TASP1: variants seen among roughly 807,000 people sequenced by gnomAD.
The protein encoded by TASP1 is taspase 1.
Under a neutral mutation model 56.6 loss-of-function variants are expected in TASP1, and 16 were observed. The observed-to-expected ratio is 0.28, with a 90% CI of 0.19 to 0.43. TASP1 has a LOEUF of 0.43. TASP1 is among the 20% of genes least tolerant of loss of function. The pLI is 1.00. For missense variants in TASP1, 393 were observed against 511.6 expected (o/e 0.77, Z 2.24); for synonymous variants, 179 against 184.2 (o/e 0.97, Z 0.23).
the TASP1 span, among the ~76,000 whole-genome samples, chr20:13,363,212 A>C: frequency 6.6e-6 from 1 of 152,134 alleles, no homozygotes; most frequent in Non-Finnish European, 1.5e-5. Context: ...AATCTTGATT[A>C]CAAGCTTGGA....
intron 10 of TASP1, among the ~76,000 whole-genome samples, chr20:13,509,124 A>AGTGTGTGTGTGTGTGTGTGTGT: frequency 7.0e-6 from 1 of 142,778 alleles, no homozygotes; most frequent in East Asian, 2.1e-4. Context: ...GAATGAAGAA[A>AGTGTGTGTGTGTGTGTGTGTGT]GTGTGTGTGT....
chr20:13,558,162 A>C (rs890727805), intron 8 of TASP1, among the ~76,000 whole-genome samples: 6 of 152,200 alleles, frequency 3.9e-5, no homozygotes, highest in Admixed American at 1.3e-4. Flanking sequence ...AAAGGACAAA[A>C]CAGTATCTAA....
At chr20:13,605,353 C>CA (rs1342967578) in intron 4 of TASP1, among the ~76,000 whole-genome samples, 1 of 152,026 alleles carries the variant, frequency 6.6e-6, no homozygotes, top group Non-Finnish European at 1.5e-5. Context: ...ATAAAGCTGA[C>CA]AAAAAAGTAG....
the TASP1 span, chr20:13,221,714 C>G: frequency 8.3e-6 from 11 of 1,317,430 alleles, no homozygotes; most frequent in African/African-American, 6.2e-5. Context: ...TCCTCCTCCC[C>G]CGGCGTCACC....
chr20:13,347,860 G>T, the TASP1 span, among the ~76,000 whole-genome samples: 901 of 106,972 alleles, frequency 8.4e-3, 7 homozygotes, highest in African/African-American at 0.043. Flanking sequence ...AAAAAAAATG[G>T]ATAATTTTTA....
At chr20:13,225,036 G>A in the TASP1 span, among the ~76,000 whole-genome samples, 2 of 145,882 alleles carry the variant, frequency 1.4e-5, no homozygotes, top group Admixed American at 6.8e-5. Context: ...TGTATTTTTA[G>A]TAGAGACGGG....
At chr20:13,321,253 T>TAAAAAAAAAAAAAAAAAAAAAAAAAAA in the TASP1 span, among the ~76,000 whole-genome samples, 2 of 57,518 alleles carry the variant, frequency 3.5e-5, no homozygotes, top group African/African-American at 7.6e-5. Flanking sequence ...GTGCCCCACA[T>TAAAAAAAAAAAAAAAAAAAAAAAAAAA]AAAAAAAAAA....
intron 4 of TASP1, among the ~76,000 whole-genome samples, chr20:13,587,814 A>T (rs1289936406): frequency 6.6e-6 from 1 of 152,070 alleles, no homozygotes; most frequent in Non-Finnish European, 1.5e-5. Flanking sequence ...GAACTTCTTA[A>T]CTTGACAAAG....
intron 10 of TASP1, among the ~76,000 whole-genome samples, chr20:13,526,163 T>A (rs2044970773): frequency 6.6e-6 from 1 of 152,154 alleles, no homozygotes; most frequent in Non-Finnish European, 1.5e-5. Flanking sequence ...AGGGGACTGG[T>A]GGACAATCTC....
At chr20:13,579,640 C>T (rs930850300) in intron 6 of TASP1, among the ~76,000 whole-genome samples, 29 of 152,068 alleles carry the variant, frequency 1.9e-4, no homozygotes, top group Admixed American at 3.9e-4. Flanking sequence ...GGTGAGCCAC[C>T]GCGCCCGGCT....
At chr20:13,616,136 G>C (rs2048516416) in intron 4 of TASP1, among the ~76,000 whole-genome samples, 1 of 151,914 alleles carries the variant, frequency 6.6e-6, no homozygotes, top group African/African-American at 2.4e-5. Flanking sequence ...TAGGACCAAT[G>C]AATCTAATTA....
chr20:13,225,720 C>G, the TASP1 span, among the ~76,000 whole-genome samples: 15 of 152,140 alleles, frequency 9.9e-5, no homozygotes, highest in African/African-American at 3.6e-4. Flanking sequence ...AATGAGAAAA[C>G]TATCTGCAGT....
chr20:13,131,671 ACTCT>A, the TASP1 span, among the ~76,000 whole-genome samples: 6 of 151,396 alleles, frequency 4.0e-5, no homozygotes, highest in African/African-American at 1.2e-4. Flanking sequence ...CACAGCCAAC[ACTCT>A]CTCTATCACC....
the TASP1 span, among the ~76,000 whole-genome samples, chr20:13,144,856 G>A: frequency 6.6e-6 from 1 of 152,212 alleles, no homozygotes; most frequent in African/African-American, 2.4e-5. Flanking sequence ...CTCACTGCAA[G>A]CTCCGCCTCC....
the TASP1 span, among the ~76,000 whole-genome samples, chr20:13,186,109 G>A: frequency 2.0e-5 from 3 of 152,196 alleles, no homozygotes; most frequent in Admixed American, 6.5e-5. Flanking sequence ...ACACTAGCAT[G>A]ATAGTGAGAA....
At chr20:13,172,049 G>GA in the TASP1 span, among the ~76,000 whole-genome samples, 2 of 151,652 alleles carry the variant, frequency 1.3e-5, no homozygotes, top group South Asian at 2.1e-4. Flanking sequence ...GCAAAGGCCA[G>GA]AAAAAAATAG....
the TASP1 span, among the ~76,000 whole-genome samples, chr20:13,307,589 T>G: frequency 3.3e-5 from 5 of 152,202 alleles, no homozygotes; most frequent in Admixed American, 6.5e-5. Context: ...CCCCGTCCAG[T>G]AACGGGCACT....
At chr20:13,592,040 A>G (rs1310775207) in intron 4 of TASP1, among the ~76,000 whole-genome samples, 1 of 152,164 alleles carries the variant, frequency 6.6e-6, no homozygotes, top group African/African-American at 2.4e-5. Context: ...AAATAAGAAC[A>G]AAGTAGAGAT....
chr20:13,265,948 C>G, the TASP1 span, among the ~76,000 whole-genome samples: 1 of 152,206 alleles, frequency 6.6e-6, no homozygotes, highest in Non-Finnish European at 1.5e-5. Flanking sequence ...AGACTACAGC[C>G]TCCATCCTCA....
Sources: allele counts gnomAD v4.1 joint callset (sites outside exome capture counted in the v4.1 genomes callset), GRCh38; gene constraint gnomAD v4.1.1; transcripts MANE v1.5; gene names NCBI Gene and HGNC (gene_info 2026-07-23, HGNC 2026-07-21).